PCLO: variants seen among roughly 807,000 people sequenced by gnomAD.
The protein encoded by PCLO is protein piccolo.
A neutral mutation model predicts 427.5 loss-of-function variants in PCLO; 82 were observed. The ratio of observed to expected loss-of-function variants is 0.19; its 90% confidence interval spans 0.16 to 0.23. The LOEUF (loss-of-function observed/expected upper bound fraction) is 0.23. Among genes scored for constraint, PCLO ranks in the 10% least tolerant of loss-of-function variants. PCLO has a pLI of 1.00. For synonymous variants in PCLO, 2,357 were observed against 2,155.4 expected, an observed-to-expected ratio of 1.09 and a Z score of -2.59; for missense variants, 6,239 against 6,115.9, an observed-to-expected ratio of 1.02 and a Z score of -0.67.
At chr7:82,969,399 C>T (rs1169597456) in intron 3 of PCLO, among the ~76,000 whole-genome samples, 1 of 152,018 alleles carries the variant, frequency 6.6e-6, no homozygotes, top group Non-Finnish European at 1.5e-5. Context: ...TCCTGAGAGC[C>T]TCATTGGCTA....
In PCLO at chr7:82,950,228, C is replaced by A; in HGVS notation, c.10360G>T (p.Asp3454Tyr). 6.2e-7 allele frequency: 1 copy of A among 1,612,898 alleles called. No individual in the cohort carries two copies. Among genetic ancestry groups the A allele is most frequent in the East Asian group, 2.2e-5 (1 of 44,800 alleles). ...GVQTDDEDAT[D>Y]RSYVSRRRRT... ...CTTCTCCTACTCACATAGCTCCGATCTGTGGCATCTTCGTCATCCGTTTGT... is the reference window on the plus strand; with the variant it reads ...CTTCTCCTACTCACATAGCTCCGATATGTGGCATCTTCGTCATCCGTTTGT... Residue 3454 changes from aspartate (D) to tyrosine (Y), a missense_variant, in exon 6 of 25, where the codon GAT becomes TAT. Asp to Tyr is a radical substitution (Grantham distance 160, BLOSUM62 -3). This residue lies in a region of PCLO where 4,677 missense variants were observed against 4,468.4 expected (regional missense o/e 1.05). Transcript: ENST00000333891.
chr7:83,110,306 CT>C lies in PCLO; in HGVS notation c.3300+23943del, dbSNP rs549507221. On this transcript the variant is annotated intron_variant, in intron 3 of 24. Transcript: ENST00000333891. Reference sequence around the variant, plus strand: ...GAGAACACAGATGCTCTTTACATGCCTTTTTTTAATAAAAAGATTTGTAACA... The same window carrying C: ...GAGAACACAGATGCTCTTTACATGCCTTTTTTAATAAAAAGATTTGTAACA... Among the ~76,000 whole-genome samples, 9 of 148,884 alleles carry C rather than the reference CT, an allele frequency of 6.0e-5. No individual in the cohort carries two copies. The South Asian group carries it at 1.3e-3, about 21-fold the overall frequency.
At chr7:82,990,130 C>A (rs1163969960) in intron 3 of PCLO, among the ~76,000 whole-genome samples, 1 of 152,070 alleles carries the variant, frequency 6.6e-6, no homozygotes, top group East Asian at 1.9e-4. Flanking sequence ...ATACCCTCCC[C>A]AGAGAGGTTG....
intron 6 of PCLO, among the ~76,000 whole-genome samples, chr7:82,939,717 T>C (rs1214909065): frequency 2.0e-5 from 3 of 148,148 alleles, no homozygotes; most frequent in Admixed American, 1.4e-4. Context: ...ATATTATACA[T>C]AAAATATATA....
chr7:82,907,616 G>A (rs1159061978), intron 8 of PCLO, among the ~76,000 whole-genome samples: 1 of 151,878 alleles, frequency 6.6e-6, no homozygotes, highest in Non-Finnish European at 1.5e-5. Flanking sequence ...TTCAATACAG[G>A]CTGATATGTT....
At chr7:82,888,346 T>G (rs181577071) in intron 9 of PCLO, among the ~76,000 whole-genome samples, 1 of 152,268 alleles carries the variant, frequency 6.6e-6, no homozygotes, top group African/African-American at 2.4e-5. Flanking sequence ...GTGAAAAAAA[T>G]TAGTTTTCTA....
intron 3 of PCLO, among the ~76,000 whole-genome samples, chr7:83,043,561 G>GC (rs1315400496): frequency 6.6e-6 from 1 of 152,150 alleles, no homozygotes; most frequent in Non-Finnish European, 1.5e-5. Context: ...AACTCATATG[G>GC]CAACTTCTTA....
At chr7:83,133,613 TAGTA>T (rs1334479878) in intron 3 of PCLO, among the ~76,000 whole-genome samples, 1 of 152,066 alleles carries the variant, frequency 6.6e-6, no homozygotes, top group African/African-American at 2.4e-5. Context: ...CCACAGCTCC[TAGTA>T]AAGTGCCATA....
chr7:82,926,088 T>C (rs1315744270), intron 6 of PCLO, among the ~76,000 whole-genome samples: 4 of 152,100 alleles, frequency 2.6e-5, no homozygotes, highest in Non-Finnish European at 4.4e-5. Context: ...TTCTAAATGA[T>C]ACCATTCGTG....
chr7:83,016,095 C>T (rs758052703), intron 3 of PCLO, among the ~76,000 whole-genome samples: 2 of 152,096 alleles, frequency 1.3e-5, no homozygotes, highest in Non-Finnish European at 2.9e-5. Context: ...TGAGGTTCTT[C>T]CCACTAGCTC....
chr7:82,857,552 T>C (rs2115887993), intron 10 of PCLO, among the ~76,000 whole-genome samples: 1 of 152,146 alleles, frequency 6.6e-6, no homozygotes, highest in South Asian at 2.1e-4. Flanking sequence ...GGCAAAATCA[T>C]CATCACTGCC....
chr7:82,833,091 G>A (rs1423857821), intron 16 of PCLO, among the ~76,000 whole-genome samples: 1 of 152,008 alleles, frequency 6.6e-6, no homozygotes, highest in Non-Finnish European at 1.5e-5. Flanking sequence ...GAACATGCTT[G>A]TATTTTGTTT....
intron 10 of PCLO, among the ~76,000 whole-genome samples, chr7:82,860,235 C>T (rs974687719): frequency 1.3e-5 from 2 of 151,678 alleles, no homozygotes; most frequent in African/African-American, 4.8e-5. Flanking sequence ...TTTTAGAGGG[C>T]CAAGCAGATT....
intron 6 of PCLO, among the ~76,000 whole-genome samples, chr7:82,923,479 T>C (rs750703987): frequency 5.9e-5 from 9 of 152,136 alleles, no homozygotes; most frequent in South Asian, 2.1e-4. Flanking sequence ...GGTTATTACA[T>C]ACCAGTCAAA....
chr7:82,995,318 A>G (rs1376730052), intron 3 of PCLO, among the ~76,000 whole-genome samples: 1 of 152,026 alleles, frequency 6.6e-6, no homozygotes. Context: ...CACCATAGAA[A>G]CCAAGAGAAG....
At chr7:82,806,427 T>C (rs565162242) in intron 20 of PCLO, among the ~76,000 whole-genome samples, 2 of 152,316 alleles carry the variant, frequency 1.3e-5, no homozygotes, top group African/African-American at 2.4e-5. Flanking sequence ...TAGTTTATCA[T>C]TGAGACTTGT....
At chr7:83,150,122 A>C (rs1792092633) in intron 2 of PCLO, among the ~76,000 whole-genome samples, 1 of 152,242 alleles carries the variant, frequency 6.6e-6, no homozygotes. Flanking sequence ...TGGGAAAATT[A>C]CCAAACATTA....
Position 83,015,314 on chromosome 7 carries a change from C to T in PCLO, c.3301-48827G>A, listed in dbSNP as rs145946633. On this transcript the variant is annotated intron_variant, in intron 3 of 24. Transcript: ENST00000333891. ...AAATCAAATTTCTGGGCTTTTAATG[C>T]TAGGTCTAGGTTTTTTTTTTTCTTT... is the stretch of plus-strand genomic sequence containing the variant. 2.4e-3 allele frequency among the ~76,000 whole-genome samples: 366 copies of T among 151,774 alleles called. 3 individuals carry two copies. Among genetic ancestry groups the T allele is most frequent in the African/African-American group, 8.5e-3 (352 of 41,428 alleles).
chr7:82,780,931 A>T (rs1253861706), intron 22 of PCLO, among the ~76,000 whole-genome samples: 2 of 152,174 alleles, frequency 1.3e-5, no homozygotes, highest in African/African-American at 4.8e-5. Flanking sequence ...TGCTGCAGGG[A>T]TTGGGCTATA....
Sources: gnomAD v4.1 joint callset for allele counts (sites outside exome capture counted in the v4.1 genomes callset) on GRCh38, gnomAD v4.1.1 for gene constraint, gnomAD v4.1.1 regional missense constraint, MANE v1.5 for transcripts, NCBI Gene and HGNC (gene_info 2026-07-23, HGNC 2026-07-21) for gene names.